Variants in KCNIP2 observed in about 807,000 individuals in gnomAD.
The protein encoded by KCNIP2 is A-type potassium channel modulatory protein KCNIP2.
A neutral mutation model predicts 39.0 loss-of-function variants in KCNIP2; 19 were observed. That is an observed-to-expected ratio of 0.49 (90% CI 0.34 to 0.71). The LOEUF (loss-of-function observed/expected upper bound fraction) is 0.71. KCNIP2 is among the 30% of genes least tolerant of loss of function. The pLI is 0.01. For missense variants in KCNIP2, 261 were observed against 346.0 expected (o/e 0.75, Z 1.95); for synonymous variants, 111 against 131.2 (o/e 0.85, Z 1.05).
chr10:101,831,510 G>A (rs1305430216), intron 1 of KCNIP2, among the ~76,000 whole-genome samples: 1 of 152,114 alleles, frequency 6.6e-6, no homozygotes, highest in Non-Finnish European at 1.5e-5. Context: ...GATTGCCTGG[G>A]TAAGAACACC....
chr10:101,839,890 G>A (rs373144914), intron 1 of KCNIP2: 1 of 1,526,258 alleles, frequency 6.6e-7, no homozygotes. Flanking sequence ...GCCCCGGGGC[G>A]GTCCGGTCTC....
intron 1 of KCNIP2, among the ~76,000 whole-genome samples, chr10:101,841,456 T>TA (rs2066338021): frequency 6.6e-6 from 1 of 152,224 alleles, no homozygotes; most frequent in Non-Finnish European, 1.5e-5. Flanking sequence ...TGTCTCCCGC[T>TA]ATAAAATAAG....
chr10:101,830,975 C>T (rs1362486932), intron 2 of KCNIP2, 97 bp downstream of exon 2: 4 of 1,110,872 alleles, frequency 3.6e-6, no homozygotes, highest in Non-Finnish European at 5.3e-6. Flanking sequence ...GGAGCATGCG[C>T]ACACTCGCAG....
chr10:101,830,469 G>A lies in KCNIP2; in HGVS notation c.170-572C>T, dbSNP rs756802910. On this transcript the variant is annotated intron_variant, in intron 2 of 9. Coordinates refer to ENST00000356640, the MANE Select transcript of KCNIP2 (RefSeq NM_173191.3). Reference sequence around the variant, plus strand: ...CCCTCACGGCCGCCTGGTCTACACAGGCCGCCACAGCTACACAGGCTCAGG... The same window carrying A: ...CCCTCACGGCCGCCTGGTCTACACAAGCCGCCACAGCTACACAGGCTCAGG... The A allele has an allele frequency of 5.5e-6, 7 of 1,280,464 alleles. No individual in the cohort carries two copies. In the South Asian group the frequency reaches 9.0e-5, roughly 17 times the overall value. The allele number at this position is 1,280,464 out of a possible 1,614,324, so 79.3% of individuals were successfully genotyped here. A position where few individuals can be genotyped will look rare whatever the true frequency, so the allele number is the denominator to read the frequency against.
In KCNIP2 at chr10:101,840,414, A is replaced by G. The variant is rs374670359; in HGVS notation, c.73+3082T>C. Among the ~76,000 whole-genome samples the G allele has an allele frequency of 4.0e-3, 612 of 151,838 alleles. 11 individuals carry two copies. The South Asian group carries it at 0.073, about 18-fold the overall frequency. Reference sequence around the variant, plus strand: ...AGAAGAGGCAGCAGAGTTGTGCCCCACTGCCTTCTGTCTCCTGGCTCCAAA... The same window carrying G: ...AGAAGAGGCAGCAGAGTTGTGCCCCGCTGCCTTCTGTCTCCTGGCTCCAAA... On this transcript the variant is annotated intron_variant, in intron 1 of 9. Transcript: ENST00000356640.
chr10:101,829,465 C>T (rs1300408351), intron 3 of KCNIP2: 2 of 494,546 alleles, frequency 4.0e-6, no homozygotes, highest in Non-Finnish European at 7.1e-6. Flanking sequence ...CTCGATCCCT[C>T]GTTGGAGGGG....
chr10:101,833,789 C>A (rs1371816383), intron 1 of KCNIP2, among the ~76,000 whole-genome samples: 1 of 152,112 alleles, frequency 6.6e-6, no homozygotes, highest in Admixed American at 6.5e-5. Context: ...TGCCCACACA[C>A]CCCATAAGCT....
chr10:101,843,247 C>G lies in KCNIP2; in HGVS notation c.73+249G>C, dbSNP rs1255935149. ...CGCACGTAACACCTCCCACTCCAGA[C>G]ACCCTCTCAGCCCTGTGTCACATAC... On this transcript the variant is annotated intron_variant, in intron 1 of 9. Coordinates refer to ENST00000356640, the MANE Select transcript of KCNIP2 (RefSeq NM_173191.3). The surrounding 1 kb of genome is among the most constrained non-coding windows in gnomAD (Gnocchi z 6.7). Among the ~76,000 whole-genome samples, 1 of 152,204 alleles carries G rather than the reference C, an allele frequency of 6.6e-6. No homozygotes were observed. The highest frequency in any genetic ancestry group is 1.5e-5 in the Non-Finnish European group (1 of 68,018).
intron 1 of KCNIP2, chr10:101,839,698 C>A: frequency 1.3e-6 from 2 of 1,537,362 alleles, no homozygotes; most frequent in South Asian, 1.1e-5. Context: ...AGCTCCTAAC[C>A]CACTTCGCTC....
chr10:101,831,136 C>G lies in KCNIP2; in HGVS notation c.105G>C (p.Leu35=). Residue 35 remains leucine (L), a synonymous_variant, in exon 2 of 10, where the codon CTG becomes CTC. Coordinates refer to ENST00000356640, the MANE Select transcript of KCNIP2 (RefSeq NM_173191.3). ...GCAGCAGCTTGAGGAATCGCTGCTT[C>G]AGCGCTTTTTTAGTGGGCCCTGGAG... ...GHPPGPTKKA[L]KQRFLKLLPC... 1 of 1,611,828 alleles carries G rather than the reference C, an allele frequency of 6.2e-7. No homozygotes were observed. The highest frequency in any genetic ancestry group is 2.2e-5 in the East Asian group (1 of 44,814).
intron 1 of KCNIP2, among the ~76,000 whole-genome samples, chr10:101,832,214 A>C (rs1031746701): frequency 9.9e-5 from 15 of 151,920 alleles, no homozygotes; most frequent in African/African-American, 3.4e-4. Flanking sequence ...CCCACTGATC[A>C]TGGCTCCCCT....
chr10:101,829,194 C>T lies in KCNIP2; in HGVS notation c.229G>A (p.Val77Met). The part of the protein sequence containing the change: ...HRPRLLDPDS[V>M]DDEFELSTVC... ...GTGGACAATTCAAATTCATCGTCCA[C>T]GCTGTCTGCGGGAGCGGTGAGGACA... is the stretch of plus-strand genomic sequence containing the variant. Residue 77 changes from valine to methionine, a missense_variant, in exon 4 of 10, where the codon GTG (valine) becomes ATG (methionine). By Grantham distance (21) the Val-to-Met change is conservative. Coordinates refer to ENST00000356640, the MANE Select transcript of KCNIP2 (RefSeq NM_173191.3). The T allele has an allele frequency of 1.2e-6, 2 of 1,612,516 alleles. No individual in the cohort carries two copies. Among genetic ancestry groups the T allele is most frequent in the South Asian group, 1.1e-5 (1 of 90,918 alleles).
At chr10:101,832,334 G>C (rs1011506845) in intron 1 of KCNIP2, among the ~76,000 whole-genome samples, 4 of 140,462 alleles carry the variant, frequency 2.8e-5, no homozygotes, top group Admixed American at 7.1e-5. Flanking sequence ...GTGTGTGTGT[G>C]TGTGTGTCTG....
At chr10:101,839,794 G>A (rs771130162) in intron 1 of KCNIP2, 4 of 1,611,126 alleles carry the variant, frequency 2.5e-6, no homozygotes, top group Middle Eastern at 1.7e-4. Flanking sequence ...GAGGGATCGC[G>A]CTGCCTGCCC....
In KCNIP2 at chr10:101,838,535, G is replaced by A. The variant is rs1232022290; in HGVS notation, c.73+4961C>T. ...AGACACTGCAGCCCCCAGCTGCATC[G>A]AGTGATTAATGACCTCCCTAGACGT... is the stretch of plus-strand genomic sequence containing the variant. On this transcript the variant is annotated intron_variant, in intron 1 of 9. Coordinates refer to ENST00000356640, the MANE Select transcript of KCNIP2 (RefSeq NM_173191.3). The surrounding 1 kb of genome is among the most constrained non-coding windows in gnomAD (Gnocchi z 4.0). Among the ~76,000 whole-genome samples, 1 of 151,962 alleles carries A rather than the reference G, an allele frequency of 6.6e-6. No individual in the cohort carries two copies. The highest frequency in any genetic ancestry group is 2.4e-5 in the African/African-American group (1 of 41,358).
Position 101,827,413 on chromosome 10 carries a change from T to C in KCNIP2, c.766-13A>G, listed in dbSNP as rs761384575. The C allele has an allele frequency of 1.9e-5, 30 of 1,602,148 alleles. No homozygotes were observed. Among genetic ancestry groups the C allele is most frequent in the Non-Finnish European group, 2.3e-5 (27 of 1,170,942 alleles). ...TGATGTTCTCATCCTGTGGCCATGA[T>C]GTGAGCGAGGCAGATTGAAGAGAGA... On this transcript the variant is annotated splice_polypyrimidine_tract_variant and intron_variant, in intron 9 of 9. Transcript: ENST00000356640.
chr10:101,830,966 G>T, intron 2 of KCNIP2, 106 bp downstream of exon 2: 1 of 1,015,250 alleles, frequency 9.8e-7, no homozygotes, highest in Non-Finnish European at 1.5e-6. Context: ...TGCAGGCCTG[G>T]AGCATGCGCA....
chr10:101,839,905 C>T, intron 1 of KCNIP2: 1 of 1,496,272 alleles, frequency 6.7e-7, no homozygotes, highest in Non-Finnish European at 8.9e-7. Flanking sequence ...GGTCTCCGCC[C>T]TCACCCGGGT....
Position 101,843,657 on chromosome 10 carries a change from T to C in KCNIP2, c.-89A>G. On this transcript the variant is annotated 5_prime_UTR_variant, in exon 1 of 10. Transcript: ENST00000356640. The surrounding 1 kb of genome is among the most constrained non-coding windows in gnomAD (Gnocchi z 6.7). ...GCTCACACGGCGCCCCCTGGCGGCCTACTGTGCTGTCGGGGCTGGGGAAGT... is the reference window on the plus strand; with the variant it reads ...GCTCACACGGCGCCCCCTGGCGGCCCACTGTGCTGTCGGGGCTGGGGAAGT... 5.9e-6 allele frequency: 4 copies of C among 678,064 alleles called. No homozygotes were observed. Among genetic ancestry groups the C allele is most frequent in the Non-Finnish European group, 9.2e-6 (4 of 435,098 alleles). 42.0% of individuals were successfully genotyped at this position (678,064 alleles called of 1,614,324 possible). A position where few individuals can be genotyped will look rare whatever the true frequency, so the allele number is the denominator to read the frequency against.
Sources: allele counts gnomAD v4.1 joint callset (sites outside exome capture counted in the v4.1 genomes callset), GRCh38; gene constraint gnomAD v4.1.1; non-coding constraint Gnocchi (gnomAD v3.1); transcripts MANE v1.5; gene names NCBI Gene and HGNC (gene_info 2026-07-23, HGNC 2026-07-21).